The following DIAPH2 variants were observed in gnomAD, a reference collection of about 807,000 sequenced individuals.
DIAPH2 encodes the protein diaphanous related formin 2.
A neutral mutation model predicts 92.7 loss-of-function variants in DIAPH2; 35 were observed. The observed-to-expected ratio is 0.38, with a 90% CI of 0.29 to 0.50. The LOEUF (loss-of-function observed/expected upper bound fraction) is 0.50. Ranked by LOEUF, DIAPH2 falls within the 20% of genes least tolerant of loss-of-function variation. DIAPH2 has a pLI of 0.94. For synonymous variants in DIAPH2, 301 were observed against 280.4 expected (o/e 1.07, Z -0.73); for missense variants, 701 against 819.5 (o/e 0.86, Z 1.77).
rs186218398 is a variant in DIAPH2 at position 96,969,927 on chromosome X, G to A, written c.2050+4720G>A. Among the ~76,000 whole-genome samples, 163 of 111,415 alleles carry A rather than the reference G, an allele frequency of 1.5e-3. 1 individual carries two copies. The highest frequency in any genetic ancestry group is 5.0e-3 in the African/African-American group (152 of 30,682). On this transcript the variant is annotated intron_variant, in intron 17 of 26. Coordinates refer to ENST00000324765, the MANE Select transcript of DIAPH2 (RefSeq NM_006729.5). The stretch of plus-strand genomic sequence containing the variant: ...ACCTAGTTTCTTGTGGATTTTTATC[G>A]TGAAGGGATGCTGGATCTTATTGAT...
chrX:97,269,751 ATTT>A (rs1318136033), intron 23 of DIAPH2, among the ~76,000 whole-genome samples: 1 of 94,761 alleles, frequency 1.1e-5, no homozygotes, highest in Non-Finnish European at 2.0e-5. Flanking sequence ...TACTATTTTT[ATTT>A]TTTTTTTTTT....
chrX:97,078,666 T>C (rs1764517316), intron 19 of DIAPH2, among the ~76,000 whole-genome samples: 1 of 111,984 alleles, frequency 8.9e-6, no homozygotes, highest in South Asian at 3.7e-4. Context: ...ATTATATCAC[T>C]ATTTTGGTAA....
At chrX:96,882,214 C>A (rs2065218124) in intron 5 of DIAPH2, among the ~76,000 whole-genome samples, 1 of 109,509 alleles carries the variant, frequency 9.1e-6, no homozygotes, top group South Asian at 4.0e-4. Context: ...TCATGCCTGG[C>A]TGATGTTTGT....
chrX:97,472,240 A>G (rs1685811936), intron 26 of DIAPH2, among the ~76,000 whole-genome samples: 5 of 112,199 alleles, frequency 4.5e-5, no homozygotes, highest in Non-Finnish European at 9.4e-5. Flanking sequence ...CATCTCATGC[A>G]GGTAGATATA....
chrX:96,930,664 ATTATC>A (rs1371871313), intron 9 of DIAPH2, 64 bp from the exon 10 acceptor site: 3 of 769,825 alleles, frequency 3.9e-6, no homozygotes, highest in Non-Finnish European at 3.9e-6. Flanking sequence ...TAGTGAATAT[ATTATC>A]TTAATGCATT....
chrX:96,893,830 A>C (rs984480401), intron 5 of DIAPH2, among the ~76,000 whole-genome samples: 1 of 111,727 alleles, frequency 9.0e-6, no homozygotes, highest in Non-Finnish European at 1.9e-5. Context: ...TAGTCTGTAT[A>C]GTTGATTGAA....
chrX:97,136,148 G>A (rs750959423), intron 21 of DIAPH2, among the ~76,000 whole-genome samples: 6 of 112,364 alleles, frequency 5.3e-5, no homozygotes, highest in Non-Finnish European at 1.1e-4. Flanking sequence ...GAACTTGAGA[G>A]AGGATAATAG....
chrX:97,298,748 G>A (rs1010907924), intron 23 of DIAPH2, among the ~76,000 whole-genome samples: 1 of 108,921 alleles, frequency 9.2e-6, no homozygotes, highest in Admixed American at 9.9e-5. Context: ...CCAAGTAGCT[G>A]GGACTACAGG....
intron 3 of DIAPH2, among the ~76,000 whole-genome samples, chrX:96,751,063 G>A (rs2064183814): frequency 8.9e-6 from 1 of 112,203 alleles, no homozygotes; most frequent in Non-Finnish European, 1.9e-5. Context: ...AATGACGAAT[G>A]ACTGAGAATT....
chrX:96,880,358 A>G (rs189067891), intron 4 of DIAPH2, among the ~76,000 whole-genome samples: 1 of 111,784 alleles, frequency 8.9e-6, no homozygotes, highest in East Asian at 2.8e-4. Context: ...ATAAGCCTTT[A>G]TCAGACTTTA....
intron 5 of DIAPH2, among the ~76,000 whole-genome samples, chrX:96,888,592 C>CAT (rs2065284118): frequency 2.3e-5 from 1 of 42,615 alleles, no homozygotes; most frequent in South Asian, 7.7e-4. Context: ...TATATATATA[C>CAT]AGATATATAT....
At chrX:97,391,286 A>G (rs1044310290) in intron 25 of DIAPH2, among the ~76,000 whole-genome samples, 1 of 111,564 alleles carries the variant, frequency 9.0e-6, no homozygotes, top group Non-Finnish European at 1.9e-5. Flanking sequence ...GGGAGGAATC[A>G]TGATGGAGAC....
chrX:97,552,094 G>A (rs752121837), intron 26 of DIAPH2, among the ~76,000 whole-genome samples: 2 of 111,708 alleles, frequency 1.8e-5, no homozygotes, highest in East Asian at 5.6e-4. Context: ...CCCCTTGCAT[G>A]AAATGAAGTT....
At chrX:97,386,698 G>A (rs1323851220) in intron 25 of DIAPH2, among the ~76,000 whole-genome samples, 2 of 108,804 alleles carry the variant, frequency 1.8e-5, no homozygotes, top group Non-Finnish European at 3.8e-5. Context: ...AGTTCTGAAA[G>A]TTAGCTCCTT....
At chrX:97,432,099 A>G (rs1407535952) in intron 26 of DIAPH2, among the ~76,000 whole-genome samples, 3 of 111,599 alleles carry the variant, frequency 2.7e-5, no homozygotes, top group South Asian at 3.8e-4. Flanking sequence ...AAAGAAGGCT[A>G]TCTTCCCCCA....
At chrX:97,196,072 AAG>A (rs1389477771) in intron 22 of DIAPH2, among the ~76,000 whole-genome samples, 1 of 112,002 alleles carries the variant, frequency 8.9e-6, no homozygotes, top group Non-Finnish European at 1.9e-5. Context: ...AAAAATATGA[AAG>A]AATATGACAA....
chrX:96,818,335 A>C (rs1200317701), intron 4 of DIAPH2, among the ~76,000 whole-genome samples: 4 of 110,158 alleles, frequency 3.6e-5, no homozygotes, highest in Non-Finnish European at 7.6e-5. Context: ...TGCAAAAGTA[A>C]TTGTGGTTTT....
intron 26 of DIAPH2, among the ~76,000 whole-genome samples, chrX:97,472,679 G>A (rs2070572603): frequency 8.9e-6 from 1 of 112,016 alleles, no homozygotes; most frequent in South Asian, 3.7e-4. Context: ...TTATACCTCA[G>A]TATAAGTATC....
intron 22 of DIAPH2, among the ~76,000 whole-genome samples, chrX:97,216,693 T>C (rs1255597124): frequency 1.8e-5 from 2 of 111,563 alleles, no homozygotes; most frequent in Non-Finnish European, 3.8e-5. Context: ...ATTTGTATGA[T>C]CCTGACAGAA....
Sources: gnomAD v4.1 joint callset for allele counts (sites outside exome capture counted in the v4.1 genomes callset) on GRCh38, gnomAD v4.1.1 for gene constraint, MANE v1.5 for transcripts, NCBI Gene and HGNC (gene_info 2026-07-23, HGNC 2026-07-21) for gene names.